The following KIAA1217 variants were observed in gnomAD, a reference collection of about 807,000 sequenced individuals.
KIAA1217 encodes sickle tail protein homolog.
Under a neutral mutation model 163.9 loss-of-function variants are expected in KIAA1217, and 88 were observed. That is an observed-to-expected ratio of 0.54 (90% CI 0.45 to 0.64). The LOEUF (loss-of-function observed/expected upper bound fraction) is 0.64. Among genes scored for constraint, KIAA1217 ranks in the 30% least tolerant of loss-of-function variants. The pLI is 0.00. For synonymous variants in KIAA1217, 903 were observed against 923.1 expected (o/e 0.98, Z 0.39); for missense variants, 2,372 against 2,475.0 (o/e 0.96, Z 0.88).
intron 2 of KIAA1217, among the ~76,000 whole-genome samples, chr10:24,031,417 C>T (rs899750511): frequency 6.6e-6 from 1 of 152,152 alleles, no homozygotes; most frequent in Admixed American, 6.5e-5. Flanking sequence ...CTTTCCACCT[C>T]AGCCTCCCGA....
At chr10:24,475,616 A>G (rs891297244) in intron 6 of KIAA1217, among the ~76,000 whole-genome samples, 1 of 152,244 alleles carries the variant, frequency 6.6e-6, no homozygotes, top group African/African-American at 2.4e-5. Context: ...CTAAGAAAAA[A>G]TAAGGATTGG....
intron 2 of KIAA1217, among the ~76,000 whole-genome samples, chr10:24,266,630 C>T (rs1293666212): frequency 2.0e-5 from 3 of 152,132 alleles, no homozygotes; most frequent in Non-Finnish European, 4.4e-5. Flanking sequence ...CCAATTAGTG[C>T]TCTGTAAAAC....
intron 2 of KIAA1217, among the ~76,000 whole-genome samples, chr10:24,064,598 C>G (rs920214437): frequency 2.0e-5 from 3 of 146,574 alleles, no homozygotes; most frequent in African/African-American, 7.3e-5. Flanking sequence ...TGGTCTAAAA[C>G]TCTCTTTTTT....
intron 1 of KIAA1217, among the ~76,000 whole-genome samples, chr10:23,974,356 C>T (rs984528356): frequency 1.3e-5 from 2 of 152,158 alleles, no homozygotes. Context: ...AGCTTATTTC[C>T]AGGTTTAATC....
intron 2 of KIAA1217, among the ~76,000 whole-genome samples, chr10:24,161,954 G>C (rs554399713): frequency 5.3e-5 from 8 of 152,268 alleles, no homozygotes; most frequent in East Asian, 3.9e-4. Context: ...AATCTGATGA[G>C]CTCAAACTTA....
At chr10:24,244,881 A>G (rs1466465966) in intron 2 of KIAA1217, among the ~76,000 whole-genome samples, 1 of 152,126 alleles carries the variant, frequency 6.6e-6, no homozygotes, top group Non-Finnish European at 1.5e-5. Flanking sequence ...TCCTAACGGC[A>G]GGAAGCTTTG....
At chr10:24,355,704 A>C (rs760316973) in intron 2 of KIAA1217, among the ~76,000 whole-genome samples, 77 of 126,592 alleles carry the variant, frequency 6.1e-4, no homozygotes, top group Non-Finnish European at 1.0e-3. Context: ...GAGCAGGCTG[A>C]GATGAGCATA....
chr10:24,101,484 C>T (rs371193383), intron 2 of KIAA1217, among the ~76,000 whole-genome samples: 10 of 152,038 alleles, frequency 6.6e-5, no homozygotes, highest in South Asian at 2.1e-4. Flanking sequence ...CCCTGGTGGA[C>T]GCTTAAATCA....
At chr10:24,486,506 C>T (rs1244642743) in intron 6 of KIAA1217, among the ~76,000 whole-genome samples, 1 of 152,210 alleles carries the variant, frequency 6.6e-6, no homozygotes, top group African/African-American at 2.4e-5. Flanking sequence ...CCGTCTGCCC[C>T]TCTGACATCA....
intron 1 of KIAA1217, among the ~76,000 whole-genome samples, chr10:24,210,596 C>T (rs952225396): frequency 3.3e-5 from 5 of 152,056 alleles, no homozygotes; most frequent in African/African-American, 1.2e-4. Context: ...AAATGACTTT[C>T]CAACAATCAG....
chr10:23,838,389 A>T (rs1461945998), intron 1 of KIAA1217, among the ~76,000 whole-genome samples: 1 of 152,230 alleles, frequency 6.6e-6, no homozygotes, highest in Non-Finnish European at 1.5e-5. Context: ...TTTTAAATCA[A>T]CATAAAAGAT....
Position 23,899,097 on chromosome 10 carries a change from G to T in KIAA1217, c.-320-108128G>T, listed in dbSNP as rs191281739. Among the ~76,000 whole-genome samples, 40 of 152,118 alleles carry T rather than the reference G, an allele frequency of 2.6e-4. No individual in the cohort carries two copies. The East Asian group carries it at 7.6e-3, about 29-fold the overall frequency. Reference sequence around the variant, plus strand: ...GAGCTGTTTCCTGGGTTGGCTGATTGGTTTGTTTCCTCTATAATCAATGCC... The same window carrying T: ...GAGCTGTTTCCTGGGTTGGCTGATTTGTTTGTTTCCTCTATAATCAATGCC... On this transcript the variant is annotated intron_variant, in intron 1 of 18. Coordinates refer to the KIAA1217 transcript ENST00000376462.
chr10:24,205,330 C>T (rs1240031601), upstream of KIAA1217, among the ~76,000 whole-genome samples: 1 of 105,766 alleles, frequency 9.5e-6, no homozygotes, highest in Non-Finnish European at 1.9e-5. Flanking sequence ...AAAAAAAAAG[C>T]CAGGCGTGGT....
At chr10:24,360,133 A>G (rs1241464023) in intron 2 of KIAA1217, among the ~76,000 whole-genome samples, 4 of 133,780 alleles carry the variant, frequency 3.0e-5, no homozygotes, top group Non-Finnish European at 4.6e-5. Flanking sequence ...TGCAACCTCT[A>G]CCTCCCGGGT....
chr10:23,876,357 C>G, intron 1 of KIAA1217, among the ~76,000 whole-genome samples: 1 of 151,600 alleles, frequency 6.6e-6, no homozygotes, highest in African/African-American at 2.4e-5. Flanking sequence ...GGGAAAAGGG[C>G]TGAAAAAACT....
At chr10:24,205,914 G>A (rs1189159161), upstream of KIAA1217, among the ~76,000 whole-genome samples, 2 of 152,190 alleles carry the variant, frequency 1.3e-5, no homozygotes, top group African/African-American at 4.8e-5. Flanking sequence ...TATGGTGAAT[G>A]CCATTTACGT....
In KIAA1217 at chr10:23,851,359, T is replaced by C. The variant is rs563403887; in HGVS notation, c.-320-155866T>C. On this transcript the variant is annotated intron_variant, in intron 1 of 18. Transcript: ENST00000376462. ...GACATGAACTCATCATTTTTATGGC[T>C]GCATAGTATTCCATGATGTATATGT... Among the ~76,000 whole-genome samples, 135 of 152,318 alleles carry C rather than the reference T, an allele frequency of 8.9e-4. 1 individual carries two copies. Among genetic ancestry groups the C allele is most frequent in the African/African-American group, 3.2e-3 (131 of 41,556 alleles).
rs148086138 is a variant in KIAA1217, at chr10:24,444,256, C to G, written c.846+5777C>G. Among the ~76,000 whole-genome samples, 187 of 152,292 alleles carry G rather than the reference C, an allele frequency of 1.2e-3. 1 individual carries two copies. Among genetic ancestry groups the G allele is most frequent in the African/African-American group, 4.3e-3 (179 of 41,562 alleles). ...CGAACTCCTGACCTCAGGTGATCCA[C>G]CCGCCTCGGCCTCCTAAAGTGCTGG... On this transcript the variant is annotated intron_variant, in intron 5 of 20. Coordinates refer to ENST00000376454, the MANE Select transcript of KIAA1217 (RefSeq NM_019590.5).
chr10:23,797,505 T>TAA (rs1250913090), intron 1 of KIAA1217, among the ~76,000 whole-genome samples: 1 of 151,732 alleles, frequency 6.6e-6, no homozygotes, highest in African/African-American at 2.4e-5. Context: ...CGAGACTGGG[T>TAA]AATTTATGAA....
Sources: allele counts gnomAD v4.1 joint callset (sites outside exome capture counted in the v4.1 genomes callset), GRCh38; gene constraint gnomAD v4.1.1; transcripts MANE v1.5; gene names NCBI Gene and HGNC (gene_info 2026-07-23, HGNC 2026-07-21).